The following ACTR3C variants were observed in gnomAD, a reference collection of about 807,000 sequenced individuals.
The protein encoded by ACTR3C is actin related protein 3C.
In ACTR3C, 18 loss-of-function variants were observed where a neutral mutation model predicts 26.3. That is an observed-to-expected ratio of 0.68 (90% CI 0.47 to 1.01). The LOEUF is 1.01. Ranked by LOEUF, ACTR3C falls within the 50% of genes least tolerant of loss-of-function variation. The pLI, the probability that ACTR3C is intolerant of heterozygous loss-of-function variation, is 0.00. For missense variants in ACTR3C, 184 were observed against 250.7 expected (o/e 0.73, Z 1.80); for synonymous variants, 55 against 94.5 (o/e 0.58, Z 2.42).
chr7:150,040,977 C>T, the ACTR3C span, among the ~76,000 whole-genome samples: 1 of 150,426 alleles, frequency 6.6e-6, no homozygotes, highest in South Asian at 2.1e-4. Context: ...GGGAGGCCGT[C>T]CTTTAGCAAC....
the ACTR3C span, among the ~76,000 whole-genome samples, chr7:150,044,535 G>T: frequency 6.6e-6 from 1 of 152,168 alleles, no homozygotes. Context: ...CAGTTGGGAA[G>T]TCCCTTTGTT....
intron 4 of ACTR3C, among the ~76,000 whole-genome samples, chr7:150,286,883 C>A (rs1335560277): frequency 2.0e-5 from 3 of 151,954 alleles, no homozygotes; most frequent in Non-Finnish European, 4.4e-5. Context: ...CCTCCTATGG[C>A]CTGCTCTGGC....
chr7:150,039,535 G>C, the ACTR3C span, among the ~76,000 whole-genome samples: 15 of 89,834 alleles, frequency 1.7e-4, 1 homozygote, highest in African/African-American at 5.7e-4. Context: ...TCCTGCGATG[G>C]GGGTCCCCAG....
At chr7:150,197,906 C>T in the ACTR3C span, among the ~76,000 whole-genome samples, 7 of 149,844 alleles carry the variant, frequency 4.7e-5, 1 homozygote, top group South Asian at 6.3e-4. Flanking sequence ...TCATGCGGAG[C>T]CGAAGCTGGA....
At chr7:150,255,200 C>T (rs1331165368) in intron 6 of ACTR3C, among the ~76,000 whole-genome samples, 2 of 147,774 alleles carry the variant, frequency 1.4e-5, no homozygotes, top group Non-Finnish European at 3.0e-5. Flanking sequence ...GGCGAAGATG[C>T]TTCCTAGGGC....
the ACTR3C span, among the ~76,000 whole-genome samples, chr7:150,014,036 T>C: frequency 1.3e-5 from 2 of 152,174 alleles, no homozygotes; most frequent in African/African-American, 2.4e-5. Context: ...TTCCATGGGC[T>C]TCTGCAAGGA....
the ACTR3C span, among the ~76,000 whole-genome samples, chr7:150,037,790 T>A: frequency 3.1e-5 from 1 of 32,724 alleles, no homozygotes; most frequent in Non-Finnish European, 7.3e-5. Flanking sequence ...GCGATGGGGG[T>A]CCCCAGAGCC....
chr7:150,227,135 T>A, the ACTR3C span, among the ~76,000 whole-genome samples: 7 of 151,446 alleles, frequency 4.6e-5, no homozygotes, highest in Non-Finnish European at 1.0e-4. Context: ...TGTGTGTGTG[T>A]GTTGAGAATG....
chr7:150,176,451 G>C, the ACTR3C span, among the ~76,000 whole-genome samples: 1 of 150,802 alleles, frequency 6.6e-6, no homozygotes, highest in African/African-American at 2.5e-5. Context: ...GATTACAGCT[G>C]AGCTTTATAA....
Position 150,264,173 on chromosome 7 carries a change from G to A in ACTR3C, c.565-15119C>T, listed in dbSNP as rs551691577. Among the ~76,000 whole-genome samples the A allele has an allele frequency of 4.6e-5, 7 of 152,292 alleles. No homozygotes were observed. In the South Asian group the frequency reaches 6.2e-4, roughly 14 times the overall value. On this transcript the variant is annotated intron_variant, in intron 6 of 7. Coordinates refer to ENST00000683684, the MANE Select transcript of ACTR3C (RefSeq NM_001164458.2). Reference sequence around the variant, plus strand: ...GGGAGGTCACAACCCAGCAACAGGCGGGGGCCAAACATCCCTCATTCGCGC... The same window carrying A: ...GGGAGGTCACAACCCAGCAACAGGCAGGGGCCAAACATCCCTCATTCGCGC...
chr7:150,203,715 G>A, the ACTR3C span, among the ~76,000 whole-genome samples: 9 of 152,136 alleles, frequency 5.9e-5, no homozygotes, highest in East Asian at 7.7e-4. Flanking sequence ...ACAGGTGCCC[G>A]CCACCACGCC....
the ACTR3C span, among the ~76,000 whole-genome samples, chr7:150,010,598 G>T: frequency 4.6e-5 from 7 of 151,508 alleles, no homozygotes; most frequent in Non-Finnish European, 7.4e-5. Context: ...GGAGGCTGAG[G>T]CAGGAGAATC....
At chr7:150,154,796 G>A in the ACTR3C span, among the ~76,000 whole-genome samples, 3 of 152,110 alleles carry the variant, frequency 2.0e-5, no homozygotes, top group African/African-American at 7.2e-5. Context: ...ACTGGGTTCG[G>A]AGAGTCTTCA....
chr7:150,223,845 G>A, the ACTR3C span, among the ~76,000 whole-genome samples: 1 of 152,192 alleles, frequency 6.6e-6, no homozygotes, highest in Non-Finnish European at 1.5e-5. Context: ...TCACTAGACA[G>A]CACTCAATTT....
At chr7:150,063,840 A>T in the ACTR3C span, among the ~76,000 whole-genome samples, 1 of 152,154 alleles carries the variant, frequency 6.6e-6, no homozygotes, top group African/African-American at 2.4e-5. Flanking sequence ...TGGATTATGG[A>T]TGAGTGGTGC....
At chr7:150,246,183 C>G (rs531131938), downstream of ACTR3C, 1 of 152,294 alleles carries the variant, frequency 6.6e-6, no homozygotes, top group Admixed American at 6.5e-5. Context: ...GCAGATCCAG[C>G]TTAACACAAT....
the ACTR3C span, among the ~76,000 whole-genome samples, chr7:150,033,717 G>A: frequency 4.6e-4 from 70 of 151,664 alleles, no homozygotes; most frequent in Non-Finnish European, 7.4e-4. Flanking sequence ...TAACAACCAG[G>A]GGCGGAAGAG....
At chr7:150,198,341 C>T in the ACTR3C span, among the ~76,000 whole-genome samples, 3 of 148,636 alleles carry the variant, frequency 2.0e-5, no homozygotes, top group Non-Finnish European at 4.4e-5. Context: ...TGCCTGGCTG[C>T]CCAGTCTGGA....
At chr7:150,086,197 T>C in the ACTR3C span, among the ~76,000 whole-genome samples, 2 of 152,118 alleles carry the variant, frequency 1.3e-5, no homozygotes, top group African/African-American at 4.8e-5. Flanking sequence ...TTGGGCAGGT[T>C]GGTCTCGAAC....
Sources: allele counts gnomAD v4.1 joint callset (sites outside exome capture counted in the v4.1 genomes callset), GRCh38; gene constraint gnomAD v4.1.1; transcripts MANE v1.5; gene names NCBI Gene and HGNC (gene_info 2026-07-23, HGNC 2026-07-21).